Variants in CTDSPL observed in about 807,000 individuals in gnomAD.
The protein encoded by CTDSPL is CTD small phosphatase-like protein.
A neutral mutation model predicts 30.5 loss-of-function variants in CTDSPL; 8 were observed. The ratio of observed to expected loss-of-function variants is 0.26; its 90% CI spans 0.15 to 0.47. CTDSPL has a LOEUF of 0.47. CTDSPL is among the 20% of genes least tolerant of loss of function. The probability of loss-of-function intolerance (pLI) is 0.99; values close to 1 mark genes in which losing one functional copy is unlikely to be tolerated. For synonymous variants in CTDSPL, 110 were observed against 137.9 expected (o/e 0.80, Z 1.42); for missense variants, 248 against 366.1 (o/e 0.68, Z 2.63).
chr3:37,899,784 A>G (rs1391518043), intron 1 of CTDSPL, among the ~76,000 whole-genome samples: 1 of 152,224 alleles, frequency 6.6e-6, no homozygotes, highest in Non-Finnish European at 1.5e-5. Flanking sequence ...ATTGCAAAGT[A>G]GGTGTAGTTG....
At chr3:37,879,698 AG>A (rs1283170091) in intron 1 of CTDSPL, among the ~76,000 whole-genome samples, 2 of 152,186 alleles carry the variant, frequency 1.3e-5, no homozygotes, top group Non-Finnish European at 2.9e-5. Flanking sequence ...GTGCTTGTGC[AG>A]GATGCAGCAA....
intron 1 of CTDSPL, among the ~76,000 whole-genome samples, chr3:37,890,934 A>G (rs1268654555): frequency 1.3e-5 from 2 of 152,200 alleles, no homozygotes; most frequent in African/African-American, 2.4e-5. Flanking sequence ...CTCCAAGGAA[A>G]TTCTATCTGA....
chr3:37,896,319 G>A (rs1698389593), intron 1 of CTDSPL, among the ~76,000 whole-genome samples: 1 of 152,152 alleles, frequency 6.6e-6, no homozygotes, highest in Admixed American at 6.5e-5. Context: ...TGAAAGAGGG[G>A]TATCTTAAAA....
At position 37,862,038 on chromosome 3, in the gene CTDSPL, C is replaced by G. The variant is rs1481442216; in HGVS notation, c.-162C>G. 2 of 148,726 alleles carry G rather than the reference C, an allele frequency of 1.3e-5. No homozygotes were observed. The highest frequency in any genetic ancestry group is 2.5e-5 in the African/African-American group (1 of 40,058). The allele number at this position is 148,726 out of a possible 1,614,324, so 9.2% of individuals were successfully genotyped here. On this transcript the variant is annotated 5_prime_UTR_variant, in exon 1 of 8. Transcript: ENST00000273179. The surrounding 1 kb of genome is among the most constrained non-coding windows in gnomAD (Gnocchi z 4.3). ...GCGGCGGCGGGAGCTGGGGCGCGGG[C>G]CCGGGCCGCCTCTCCCAGAGCGCGG... is the stretch of plus-strand genomic sequence containing the variant.
chr3:37,864,315 G>C (rs564859252), intron 1 of CTDSPL, among the ~76,000 whole-genome samples: 100 of 152,194 alleles, frequency 6.6e-4, no homozygotes, highest in Non-Finnish European at 1.3e-3. Flanking sequence ...TTAAAACAAA[G>C]AATCAATCTA....
chr3:37,979,000 G>A (rs1377386069), intron 7 of CTDSPL, among the ~76,000 whole-genome samples: 4 of 152,042 alleles, frequency 2.6e-5, no homozygotes, highest in Non-Finnish European at 5.9e-5. Flanking sequence ...TTTCTCTTAT[G>A]CTGCAACTCT....
intron 1 of CTDSPL, among the ~76,000 whole-genome samples, chr3:37,900,910 G>T (rs1698443054): frequency 6.6e-6 from 1 of 152,100 alleles, no homozygotes; most frequent in Non-Finnish European, 1.5e-5. Context: ...CAATTCTCCT[G>T]CCTCAGTCTC....
Position 37,983,828 on chromosome 3 carries a change from G to T in CTDSPL, c.*2961G>T, listed in dbSNP as rs1346636197. 5.9e-6 allele frequency: 1 copy of T among 169,586 alleles called. No homozygotes were observed. Among genetic ancestry groups the T allele is most frequent in the Non-Finnish European group, 1.3e-5 (1 of 76,932 alleles). The allele number at this position is 169,586 out of a possible 1,614,324, so 10.5% of individuals were successfully genotyped here. ...ATAATGCATTTGCATACTGAAAAAG[G>T]AATGCCACCTGCCACAGTTGATGGT... On this transcript the variant is annotated 3_prime_UTR_variant, in exon 8 of 8. Transcript: ENST00000273179.
intron 1 of CTDSPL, among the ~76,000 whole-genome samples, chr3:37,931,192 G>T: frequency 6.7e-6 from 1 of 149,888 alleles, no homozygotes; most frequent in African/African-American, 2.5e-5. Flanking sequence ...GTGTCATTCA[G>T]GCTGGAGTGC....
At chr3:37,885,080 G>A (rs1698248963) in intron 1 of CTDSPL, among the ~76,000 whole-genome samples, 1 of 152,154 alleles carries the variant, frequency 6.6e-6, no homozygotes, top group African/African-American at 2.4e-5. Context: ...AGCTTCAGAG[G>A]ATGAGAGAAT....
chr3:37,963,677 G>A (rs1007092857), intron 3 of CTDSPL, among the ~76,000 whole-genome samples: 8 of 152,114 alleles, frequency 5.3e-5, no homozygotes, highest in African/African-American at 1.9e-4. Context: ...CCTCTAAATC[G>A]AGTGAGGTTG....
In CTDSPL at chr3:37,900,918, C is replaced by T. The variant is rs1698443117; in HGVS notation, c.79+38640C>T. ...ATTCAAGCAATTCTCCTGCCTCAGTCTCTCTAGTAGCCAGGATTACAGGCA... is the reference window on the plus strand; with the variant it reads ...ATTCAAGCAATTCTCCTGCCTCAGTTTCTCTAGTAGCCAGGATTACAGGCA... On this transcript the variant is annotated intron_variant, in intron 1 of 7. Coordinates refer to ENST00000273179, the MANE Select transcript of CTDSPL (RefSeq NM_001008392.2). 2.0e-5 allele frequency among the ~76,000 whole-genome samples: 3 copies of T among 152,130 alleles called. No homozygotes were observed. The South Asian group carries it at 6.2e-4, about 32-fold the overall frequency.
At chr3:37,958,604 G>A (rs1290038059) in intron 3 of CTDSPL, among the ~76,000 whole-genome samples, 2 of 152,130 alleles carry the variant, frequency 1.3e-5, no homozygotes, top group Admixed American at 6.6e-5. Context: ...CCCCACTGAA[G>A]AAACGGACCC....
chr3:37,966,063 A>G (rs1318854663), intron 4 of CTDSPL, among the ~76,000 whole-genome samples: 2 of 152,186 alleles, frequency 1.3e-5, no homozygotes, highest in African/African-American at 2.4e-5. Flanking sequence ...CCATCACAGC[A>G]TAGAGAACTC....
At chr3:37,898,444 T>C (rs1478032692) in intron 1 of CTDSPL, among the ~76,000 whole-genome samples, 1 of 152,236 alleles carries the variant, frequency 6.6e-6, no homozygotes. Context: ...GTTAAGTTGC[T>C]GTTTTGCAGG....
chr3:37,961,202 A>G (rs773169845), intron 3 of CTDSPL, among the ~76,000 whole-genome samples: 3 of 152,160 alleles, frequency 2.0e-5, no homozygotes, highest in African/African-American at 2.4e-5. Context: ...TTGCACGCCT[A>G]TTGGAAATGA....
At chr3:37,912,202 CCAGGAGTGAGTAAGAGTGG>C (rs1698591435) in intron 1 of CTDSPL, among the ~76,000 whole-genome samples, 2 of 152,256 alleles carry the variant, frequency 1.3e-5, no homozygotes, top group South Asian at 4.1e-4. Flanking sequence ...TGGGGTCCAC[CCAGGAGTGAGTAAGAGTGG>C]CATGGCTTCC....
intron 6 of CTDSPL, 117 bp downstream of exon 6, chr3:37,971,616 C>A: frequency 2.3e-6 from 2 of 862,190 alleles, no homozygotes; most frequent in Non-Finnish European, 3.7e-6. Context: ...TCTATGGTGA[C>A]AGGTTCCCAC....
chr3:37,949,013 G>T (rs2125623464), intron 2 of CTDSPL, among the ~76,000 whole-genome samples: 1 of 150,644 alleles, frequency 6.6e-6, no homozygotes, highest in South Asian at 2.1e-4. Flanking sequence ...GTAGAGACGG[G>T]GTTTCACCTT....
Sources: gnomAD v4.1 joint callset for allele counts (sites outside exome capture counted in the v4.1 genomes callset) on GRCh38, gnomAD v4.1.1 for gene constraint, Gnocchi (gnomAD v3.1) non-coding constraint, MANE v1.5 for transcripts, NCBI Gene and HGNC (gene_info 2026-07-23, HGNC 2026-07-21) for gene names.